The following UNC5B variants were observed in gnomAD, a reference collection of about 807,000 sequenced individuals.
UNC5B encodes the protein unc-5 netrin receptor B.
UNC5B carries 56 observed loss-of-function variants against 103.7 expected under a neutral mutation model. The ratio of observed to expected loss-of-function variants is 0.54; its 90% confidence interval spans 0.44 to 0.67. The LOEUF is 0.67. Ranked by LOEUF, UNC5B falls within the 30% of genes least tolerant of loss-of-function variation. UNC5B has a pLI of 0.00. For synonymous variants in UNC5B, 577 were observed against 542.0 expected, an observed-to-expected ratio of 1.06 and a Z score of -0.90; for missense variants, 1,194 against 1,284.5, an observed-to-expected ratio of 0.93 and a Z score of 1.08.
At chr10:71,270,178 C>G (rs747416661) in intron 1 of UNC5B, among the ~76,000 whole-genome samples, 4 of 151,930 alleles carry the variant, frequency 2.6e-5, no homozygotes, top group African/African-American at 4.8e-5. Flanking sequence ...GGTGAAACCC[C>G]GTGTCTACTA....
intron 1 of UNC5B, among the ~76,000 whole-genome samples, chr10:71,238,103 A>G (rs79566634): frequency 0.013 from 1,978 of 152,302 alleles, 34 homozygotes; most frequent in African/African-American, 0.04. Flanking sequence ...TCAGAAGCTA[A>G]ATAAATAGGA....
chr10:71,220,668 G>A (rs565198371), intron 1 of UNC5B, among the ~76,000 whole-genome samples: 2 of 152,284 alleles, frequency 1.3e-5, no homozygotes, highest in Admixed American at 6.5e-5. Flanking sequence ...GAATTGCCTT[G>A]AGAGTCTCAT....
At position 71,224,144 on chromosome 10, in the gene UNC5B, C is replaced by T. The variant is rs568073739; in HGVS notation, c.79+11080C>T. 7.4e-4 allele frequency among the ~76,000 whole-genome samples: 113 copies of T among 152,286 alleles called. 1 individual carries two copies. Among genetic ancestry groups the T allele is most frequent in the Middle Eastern group, 6.8e-3 (2 of 294 alleles). Reference sequence around the variant, plus strand: ...TTCCTCCCTGGCAGCCCAGGAAAGCCGGGGCTGCTGGGCACAGTGACCCCT... The same window carrying T: ...TTCCTCCCTGGCAGCCCAGGAAAGCTGGGGCTGCTGGGCACAGTGACCCCT... On this transcript the variant is annotated intron_variant, in intron 1 of 16. Coordinates refer to ENST00000335350, the MANE Select transcript of UNC5B (RefSeq NM_170744.5).
intron 1 of UNC5B, among the ~76,000 whole-genome samples, chr10:71,276,332 C>G (rs1258447747): frequency 1.3e-5 from 2 of 152,160 alleles, no homozygotes; most frequent in Non-Finnish European, 2.9e-5. Context: ...ATTCTCCCAC[C>G]CAGCTGGTAT....
intron 1 of UNC5B, among the ~76,000 whole-genome samples, chr10:71,278,454 C>A (rs1023582829): frequency 6.6e-6 from 1 of 152,116 alleles, no homozygotes; most frequent in Non-Finnish European, 1.5e-5. Context: ...AGCTACCCCA[C>A]CCCCACCGCC....
At chr10:71,286,986 A>G in intron 5 of UNC5B, 117 bp downstream of exon 5, 1 of 1,372,966 alleles carries the variant, frequency 7.3e-7, no homozygotes, top group Non-Finnish European at 9.8e-7. Context: ...GGGGAAGTGA[A>G]TTGACCAAGA....
intron 1 of UNC5B, among the ~76,000 whole-genome samples, chr10:71,267,725 G>A (rs1056960850): frequency 2.0e-5 from 3 of 152,206 alleles, no homozygotes; most frequent in Admixed American, 2.0e-4. Context: ...CTCACCATCT[G>A]CCTCCCTTGA....
At chr10:71,273,862 C>G (rs967300700) in intron 1 of UNC5B, among the ~76,000 whole-genome samples, 2 of 152,226 alleles carry the variant, frequency 1.3e-5, no homozygotes, top group Admixed American at 1.3e-4. Flanking sequence ...CCTCTAGACC[C>G]TAGCCTGGTC....
Position 71,295,956 on chromosome 10 carries a change from A to G in UNC5B, c.2321A>G (p.Tyr774Cys). ...TGGAGGAGCAAGCTGCTGGCCAAAT[A>G]CCAGGTGAGGGCTGGGCTGATGGAT... ...AHWRSKLLAKYQEIPFYHIWS... is the reference protein window; with the variant it reads ...AHWRSKLLAKCQEIPFYHIWS... Residue 774 changes from tyrosine to cysteine, a missense_variant, in exon 14 of 17, where the codon TAC (tyrosine) becomes TGC (cysteine). Coordinates refer to ENST00000335350, the MANE Select transcript of UNC5B (RefSeq NM_170744.5). 1 of 1,612,806 alleles carries G rather than the reference A, an allele frequency of 6.2e-7. No homozygotes were observed. The highest frequency in any genetic ancestry group is 2.2e-5 in the East Asian group (1 of 44,868).
At chr10:71,215,798 C>G (rs1772270385) in intron 1 of UNC5B, among the ~76,000 whole-genome samples, 1 of 126,946 alleles carries the variant, frequency 7.9e-6, no homozygotes, top group Non-Finnish European at 1.6e-5. Context: ...TTTGTAGTGT[C>G]TCTGCTTGGT....
At position 71,259,477 on chromosome 10, in the gene UNC5B, A is replaced by G. The variant is rs1045858078; in HGVS notation, c.80-20344A>G. Reference sequence around the variant, plus strand: ...TAGTTTATGAAGCACTTCTGCATCTATAAGAGAATGTGTTCTGTTCACCCA... The same window carrying G: ...TAGTTTATGAAGCACTTCTGCATCTGTAAGAGAATGTGTTCTGTTCACCCA... On this transcript the variant is annotated intron_variant, in intron 1 of 16. Coordinates refer to ENST00000335350, the MANE Select transcript of UNC5B (RefSeq NM_170744.5). 2.0e-5 allele frequency among the ~76,000 whole-genome samples: 3 copies of G among 152,104 alleles called. No homozygotes were observed. The South Asian group carries it at 6.2e-4, about 31-fold the overall frequency.
intron 1 of UNC5B, among the ~76,000 whole-genome samples, chr10:71,257,504 C>T (rs763926028): frequency 2.6e-5 from 4 of 152,232 alleles, no homozygotes; most frequent in African/African-American, 4.8e-5. Flanking sequence ...AATGGGCTCC[C>T]CTCCCAGCCC....
chr10:71,264,538 C>T (rs1345269731), intron 1 of UNC5B, among the ~76,000 whole-genome samples: 1 of 152,188 alleles, frequency 6.6e-6, no homozygotes, highest in Non-Finnish European at 1.5e-5. Context: ...CTGTGTAATT[C>T]CTTCAGCTCC....
Position 71,280,015 on chromosome 10 carries a change from G to A in UNC5B, c.274G>A (p.Val92Ile), listed in dbSNP as rs777373941. The A allele has an allele frequency of 3.0e-5, 48 of 1,613,904 alleles. No individual in the cohort carries two copies. The highest frequency in any genetic ancestry group is 1.8e-4 in the East Asian group (8 of 44,896). Residue 92 changes from valine (V) to isoleucine (I), a missense_variant, in exon 2 of 17, where the codon GTC becomes ATC. Transcript: ENST00000335350. The part of the protein sequence containing the change: ...NGEWVSQNDH[V>I]TQEGLDEATG... Reference sequence around the variant, plus strand: ...CGAGTGGGTCAGCCAGAACGACCACGTCACACAGGAAGGCCTGGATGAGGC... The same window carrying A: ...CGAGTGGGTCAGCCAGAACGACCACATCACACAGGAAGGCCTGGATGAGGC...
At chr10:71,231,403 G>A (rs1843680551) in intron 1 of UNC5B, among the ~76,000 whole-genome samples, 1 of 152,188 alleles carries the variant, frequency 6.6e-6, no homozygotes, top group Admixed American at 6.5e-5. Flanking sequence ...CGGCTCCAAT[G>A]GCCCCTCCCC....
chr10:71,296,929 C>T (rs576017456), intron 15 of UNC5B, among the ~76,000 whole-genome samples, 187 bp downstream of exon 15: 2 of 147,388 alleles, frequency 1.4e-5, no homozygotes, highest in African/African-American at 5.1e-5. Flanking sequence ...CAGCTGCACA[C>T]CACGCTGGCG....
At chr10:71,236,497 T>TA (rs1370270640) in intron 1 of UNC5B, among the ~76,000 whole-genome samples, 10 of 152,048 alleles carry the variant, frequency 6.6e-5, no homozygotes, top group Admixed American at 4.6e-4. Flanking sequence ...AGCTCGTAAA[T>TA]ATGAAGCCGG....
Position 71,299,172 on chromosome 10 carries a change from A to G in UNC5B, c.2733A>G (p.Glu911=). Residue 911 remains glutamate, a synonymous_variant, in exon 17 of 17, where the codon GAA becomes GAG. Coordinates refer to ENST00000335350, the MANE Select transcript of UNC5B (RefSeq NM_170744.5). ...SPTGVILDLW[E]ALQQDDGDLN... ...CGGGTGTGATCCTGGACCTCTGGGA[A>G]GCTCTGCAGCAGGACGATGGGGACC... The G allele has an allele frequency of 1.2e-6, 2 of 1,614,224 alleles. No homozygotes were observed. The highest frequency in any genetic ancestry group is 8.5e-7 in the Non-Finnish European group (1 of 1,180,042).
rs1844364059 is a variant in UNC5B, at chr10:71,259,391, A to G, written c.80-20430A>G. On this transcript the variant is annotated intron_variant, in intron 1 of 16. Coordinates refer to ENST00000335350, the MANE Select transcript of UNC5B (RefSeq NM_170744.5). ...ATATAGCGAGACTCCATCTCAAAAA[A>G]AAAAAAAAAAGGAAAAGAGAAAAAT... Among the ~76,000 whole-genome samples, 4 of 152,082 alleles carry G rather than the reference A, an allele frequency of 2.6e-5. No individual in the cohort carries two copies. In the South Asian group the frequency reaches 8.3e-4, roughly 31 times the overall value.
Sources: allele counts gnomAD v4.1 joint callset (sites outside exome capture counted in the v4.1 genomes callset), GRCh38; gene constraint gnomAD v4.1.1; transcripts MANE v1.5; gene names NCBI Gene and HGNC (gene_info 2026-07-23, HGNC 2026-07-21).